NAALADL2: variants seen among roughly 807,000 people sequenced by gnomAD.
NAALADL2 encodes inactive N-acetylated-alpha-linked acidic dipeptidase-like protein 2.
NAALADL2 carries 76 observed loss-of-function variants against 87.2 expected under a neutral mutation model. That is an observed-to-expected ratio of 0.87 (90% CI 0.72 to 1.05). The LOEUF is 1.05. Among genes scored for constraint, NAALADL2 ranks in the 50% least tolerant of loss-of-function variants. The pLI is 0.00. For synonymous variants in NAALADL2, 354 were observed against 331.0 expected (o/e 1.07, Z -0.75); for missense variants, 1,089 against 945.8 (o/e 1.15, Z -1.99).
At chr3:174,602,043 C>T (rs535772479) in intron 2 of NAALADL2, among the ~76,000 whole-genome samples, 4 of 152,128 alleles carry the variant, frequency 2.6e-5, no homozygotes, top group African/African-American at 7.2e-5. Flanking sequence ...ATTTTGGTTA[C>T]TACAGTTCTG....
intron 4 of NAALADL2, among the ~76,000 whole-genome samples, chr3:175,292,086 T>A (rs1237866123): frequency 1.3e-5 from 2 of 152,212 alleles, no homozygotes; most frequent in Non-Finnish European, 2.9e-5. Context: ...TTTTCACACA[T>A]TTTGAAACGT....
At chr3:174,857,249 G>T (rs961057959), upstream of NAALADL2, among the ~76,000 whole-genome samples, 8 of 152,128 alleles carry the variant, frequency 5.3e-5, no homozygotes, top group East Asian at 1.9e-4. Flanking sequence ...CATGCACAAA[G>T]ACCCAGAAGG....
intron 1 of NAALADL2, among the ~76,000 whole-genome samples, chr3:175,026,333 C>T (rs188211880): frequency 6.6e-6 from 1 of 151,620 alleles, no homozygotes; most frequent in Non-Finnish European, 1.5e-5. Flanking sequence ...CACAAGTGAG[C>T]AAGAGGCCAG....
At chr3:175,774,205 A>G (rs1031260463) in intron 13 of NAALADL2, among the ~76,000 whole-genome samples, 1 of 152,114 alleles carries the variant, frequency 6.6e-6, no homozygotes, top group Non-Finnish European at 1.5e-5. Flanking sequence ...GTGGGAGGAC[A>G]TCTTCAAGTT....
chr3:175,505,302 A>G (rs1049990350), intron 9 of NAALADL2, among the ~76,000 whole-genome samples: 1 of 151,838 alleles, frequency 6.6e-6, no homozygotes, highest in African/African-American at 2.4e-5. Flanking sequence ...GAAGACAGAG[A>G]TGTCAGATCA....
At chr3:175,279,139 C>T (rs1211552097) in intron 4 of NAALADL2, among the ~76,000 whole-genome samples, 1 of 152,146 alleles carries the variant, frequency 6.6e-6, no homozygotes, top group Non-Finnish European at 1.5e-5. Flanking sequence ...ACCAGACTTA[C>T]TCCCTACAAG....
intron 2 of NAALADL2, among the ~76,000 whole-genome samples, chr3:174,627,246 C>A (rs921044075): frequency 6.6e-6 from 1 of 151,944 alleles, no homozygotes; most frequent in Non-Finnish European, 1.5e-5. Flanking sequence ...AAGAAAGAAA[C>A]CTTTACTCCT....
At chr3:175,072,566 GC>G (rs1715845079) in intron 1 of NAALADL2, among the ~76,000 whole-genome samples, 1 of 150,976 alleles carries the variant, frequency 6.6e-6, no homozygotes, top group Non-Finnish European at 1.5e-5. Flanking sequence ...ATGGAGGGTG[GC>G]TTATCCATCT....
At chr3:175,272,673 ATTATT>A (rs1753015369) in intron 4 of NAALADL2, among the ~76,000 whole-genome samples, 1 of 152,140 alleles carries the variant, frequency 6.6e-6, no homozygotes, top group Admixed American at 6.6e-5. Flanking sequence ...AATAGTTTAA[ATTATT>A]ATTTTTTAAT....
rs145298544 is a variant in NAALADL2 at position 175,769,529 on chromosome 3, T to A, written c.2189+14111T>A. ...TATAGGTAGATTGTAACATACTTTT[T>A]ATCTATTTATGTATAATCTATCATC... is the stretch of plus-strand genomic sequence containing the variant. On this transcript the variant is annotated intron_variant, in intron 13 of 13. Transcript: ENST00000454872. 4.0e-4 allele frequency among the ~76,000 whole-genome samples: 61 copies of A among 152,358 alleles called. 3 individuals carry two copies. In the East Asian group the frequency reaches 0.012, roughly 29 times the overall value.
intron 1 of NAALADL2, among the ~76,000 whole-genome samples, chr3:174,979,497 G>T (rs1287055189): frequency 6.6e-6 from 1 of 151,436 alleles, no homozygotes; most frequent in Admixed American, 6.6e-5. Flanking sequence ...AGTAGAGATG[G>T]GGTTTCACCG....
At chr3:174,504,733 C>T (rs1291204846) in intron 1 of NAALADL2, among the ~76,000 whole-genome samples, 2 of 152,094 alleles carry the variant, frequency 1.3e-5, no homozygotes, top group Non-Finnish European at 2.9e-5. Context: ...GACCTGACTA[C>T]TGGCATTGGA....
intron 5 of NAALADL2, among the ~76,000 whole-genome samples, chr3:175,396,054 T>G (rs141745660): frequency 1.9e-3 from 295 of 152,274 alleles, no homozygotes; most frequent in African/African-American, 6.9e-3. Context: ...ATGGGTAAAT[T>G]TTATTAGTTG....
At chr3:174,945,541 A>C (rs1739284233) in intron 1 of NAALADL2, among the ~76,000 whole-genome samples, 1 of 152,192 alleles carries the variant, frequency 6.6e-6, no homozygotes, top group South Asian at 2.1e-4. Context: ...GGATTCCCTG[A>C]GGTTTTCCAA....
chr3:175,383,026 T>A (rs1371918497), intron 5 of NAALADL2, among the ~76,000 whole-genome samples: 4 of 152,092 alleles, frequency 2.6e-5, no homozygotes, highest in Admixed American at 2.6e-4. Context: ...TTTTGGATCA[T>A]ATTTTTTCTT....
chr3:174,957,978 C>T (rs1352677628), intron 1 of NAALADL2, among the ~76,000 whole-genome samples: 2 of 151,850 alleles, frequency 1.3e-5, no homozygotes, highest in South Asian at 2.1e-4. Context: ...AGTTTCCTTT[C>T]TCTGGGACAT....
intron 1 of NAALADL2, among the ~76,000 whole-genome samples, chr3:175,034,999 T>C (rs1184017339): frequency 6.6e-6 from 1 of 152,212 alleles, no homozygotes; most frequent in Non-Finnish European, 1.5e-5. Flanking sequence ...TTCTGGCATA[T>C]TGTAGGTATT....
chr3:175,354,863 T>C (rs1469923667), intron 5 of NAALADL2, among the ~76,000 whole-genome samples: 2 of 132,800 alleles, frequency 1.5e-5, no homozygotes, highest in African/African-American at 5.6e-5. Flanking sequence ...GCACTATACA[T>C]ACATACATAC....
At chr3:175,059,800 G>C (rs1713048737) in intron 1 of NAALADL2, 1 of 304,582 alleles carries the variant, frequency 3.3e-6, no homozygotes, top group African/African-American at 2.3e-5. Context: ...CACCGTATTT[G>C]CCCAAAGGTT....
Sources: allele counts gnomAD v4.1 joint callset (sites outside exome capture counted in the v4.1 genomes callset), GRCh38; gene constraint gnomAD v4.1.1; transcripts MANE v1.5; gene names NCBI Gene and HGNC (gene_info 2026-07-23, HGNC 2026-07-21).